Variants in TLL2 observed in about 807,000 individuals in gnomAD.
The protein encoded by TLL2 is tolloid like 2.
In TLL2, 106 loss-of-function variants were observed where a neutral mutation model predicts 123.0. The ratio of observed to expected loss-of-function variants is 0.86; its 90% CI spans 0.74 to 1.01. The LOEUF (loss-of-function observed/expected upper bound fraction) is 1.01, where lower values mean the gene tolerates loss of function less well. Among genes scored for constraint, TLL2 ranks in the 50% least tolerant of loss-of-function variants. The pLI is 0.00. For synonymous variants in TLL2, 494 were observed against 516.8 expected (o/e 0.96, Z 0.60); for missense variants, 1,332 against 1,336.7 (o/e 1.00, Z 0.06).
At chr10:96,498,554 T>C (rs1333999010) in intron 1 of TLL2, among the ~76,000 whole-genome samples, 1 of 152,198 alleles carries the variant, frequency 6.6e-6, no homozygotes, top group Non-Finnish European at 1.5e-5. Context: ...TTCTCTCCCT[T>C]CTTCCATTTT....
In TLL2 at chr10:96,476,873, C is replaced by CACACACACAG. The variant is rs1554939724; in HGVS notation, c.286+3475_286+3476insCTGTGTGTGT. Among the ~76,000 whole-genome samples the CACACACACAG allele has an allele frequency of 4.8e-3, 670 of 138,768 alleles. 6 individuals are homozygous for CACACACACAG. The highest frequency in any genetic ancestry group is 0.018 in the African/African-American group (633 of 35,836). 91.0% of individuals were successfully genotyped at this position (138,768 alleles called of 152,430 possible). A position where few individuals can be genotyped will look rare whatever the true frequency, so the allele number is the denominator to read the frequency against. ...CTTTTATGTTACACACACACACACA[C>CACACACACAG]ACACACACACACACACACACACACG... On this transcript the variant is annotated intron_variant, in intron 2 of 20. Coordinates refer to ENST00000357947, the MANE Select transcript of TLL2 (RefSeq NM_012465.4).
At chr10:96,393,222 G>C (rs1280959574) in intron 13 of TLL2, among the ~76,000 whole-genome samples, 3 of 152,340 alleles carry the variant, frequency 2.0e-5, no homozygotes, top group Non-Finnish European at 4.4e-5. Flanking sequence ...TAATAAGTGT[G>C]CATTGTTTTA....
chr10:96,405,224 C>T lies in TLL2; in HGVS notation c.1267+8G>A. The T allele has an allele frequency of 6.2e-7, 1 of 1,613,668 alleles. No homozygotes were observed. The highest frequency in any genetic ancestry group is 8.5e-7 in the Non-Finnish European group (1 of 1,179,596). On this transcript the variant is annotated splice_region_variant and intron_variant, in intron 10 of 20. Transcript: ENST00000357947. ...CTCCTCTCTTAACGGTGTCTAAAGT[C>T]AACTTACCCAAAAGGGGGGCTTTTC...
In TLL2 at chr10:96,505,369, G is replaced by A. The variant is rs777793177; in HGVS notation, c.175+8142C>T. Among the ~76,000 whole-genome samples, 35 of 152,314 alleles carry A rather than the reference G, an allele frequency of 2.3e-4. 1 individual carries two copies. The highest frequency in any genetic ancestry group is 2.6e-4 in the Admixed American group (4 of 15,308). The stretch of plus-strand genomic sequence containing the variant: ...CAATTCCAGATGAGGTTTAGGTGGG[G>A]ACACAAAGCCAGATCACTTTGGTTG... On this transcript the variant is annotated intron_variant, in intron 1 of 20. Coordinates refer to ENST00000357947, the MANE Select transcript of TLL2 (RefSeq NM_012465.4).
At position 96,384,839 on chromosome 10, in the gene TLL2, C is replaced by G. The variant is rs1162821180; in HGVS notation, c.2014-72G>C. 3.5e-6 allele frequency: 5 copies of G among 1,420,574 alleles called. No individual in the cohort carries two copies. In the African/African-American group the frequency reaches 5.8e-5, roughly 16 times the overall value. 88.0% of individuals were successfully genotyped at this position (1,420,574 alleles called of 1,614,324 possible). A position where few individuals can be genotyped will look rare whatever the true frequency, so the allele number is the denominator to read the frequency against. ...CCCAGACCCCCAGCACACTGCTGCA[C>G]CTGCTTCCTGAGCGCCTCACCCTAC... is the stretch of plus-strand genomic sequence containing the variant. On this transcript the variant is annotated intron_variant, in intron 15 of 20. Transcript: ENST00000357947.
intron 10 of TLL2, among the ~76,000 whole-genome samples, chr10:96,402,932 T>C (rs963933232): frequency 4.6e-5 from 7 of 152,142 alleles, no homozygotes; most frequent in Non-Finnish European, 7.4e-5. Flanking sequence ...ATCTCCATCT[T>C]GGCCAACCAC....
intron 2 of TLL2, among the ~76,000 whole-genome samples, chr10:96,466,460 G>C (rs940181291): frequency 6.6e-6 from 1 of 152,188 alleles, no homozygotes; most frequent in Non-Finnish European, 1.5e-5. Flanking sequence ...TGGGTACCAG[G>C]ATGGGGAGCC....
intron 2 of TLL2, among the ~76,000 whole-genome samples, chr10:96,454,237 T>G (rs1047557556): frequency 1.3e-5 from 2 of 152,186 alleles, no homozygotes; most frequent in Admixed American, 6.5e-5. Context: ...GACCTGCCAG[T>G]GCTTTCTCTC....
intron 1 of TLL2, among the ~76,000 whole-genome samples, chr10:96,486,513 C>T (rs929671993): frequency 6.6e-6 from 1 of 152,224 alleles, no homozygotes; most frequent in African/African-American, 2.4e-5. Context: ...GGCTCCTCAT[C>T]GAAGAAGGCT....
chr10:96,395,945 G>A lies in TLL2; in HGVS notation c.1460C>T (p.Ser487Phe). Residue 487 changes from serine (S) to phenylalanine (F), a missense_variant, in exon 12 of 21, where the codon TCC becomes TTC. Coordinates refer to ENST00000357947, the MANE Select transcript of TLL2 (RefSeq NM_012465.4). ...CGTAATCCTCCAGACACATTCCTTG[G>A]AAGGTCTGTAGTCATCCGGATAGTT... ...SPNYPDDYRP[S>F]KECVWRITVS... 1 of 1,614,206 alleles carries A rather than the reference G, an allele frequency of 6.2e-7. No individual in the cohort carries two copies.
chr10:96,465,745 G>A (rs1847123779), intron 2 of TLL2, among the ~76,000 whole-genome samples: 1 of 152,186 alleles, frequency 6.6e-6, no homozygotes, highest in African/African-American at 2.4e-5. Flanking sequence ...GGCAGGCAGG[G>A]AGCACTGAAG....
At chr10:96,509,151 G>A (rs985175430) in intron 1 of TLL2, among the ~76,000 whole-genome samples, 11 of 152,282 alleles carry the variant, frequency 7.2e-5, no homozygotes, top group East Asian at 3.9e-4. Context: ...ACACATGAGC[G>A]AATGAGCCTT....
rs559879151 is a variant in TLL2, at chr10:96,394,543, A to C, written c.1726+644T>G. On this transcript the variant is annotated intron_variant, in intron 13 of 20. Transcript: ENST00000357947. ...CAGGGCAACACGGAAATTTGTTCCC[A>C]GAGTGCCACCCCTTATTCTCCTCCC... Among the ~76,000 whole-genome samples, 445 of 152,320 alleles carry C rather than the reference A, an allele frequency of 2.9e-3. 9 individuals are homozygous for C. Among genetic ancestry groups the C allele is most frequent in the East Asian group, 7.9e-3 (41 of 5,190 alleles).
At chr10:96,458,543 C>A (rs922827380) in intron 2 of TLL2, among the ~76,000 whole-genome samples, 2 of 125,042 alleles carry the variant, frequency 1.6e-5, no homozygotes, top group Non-Finnish European at 3.2e-5. Flanking sequence ...GCCGAGATTG[C>A]GCCATTGCAC....
intron 4 of TLL2, among the ~76,000 whole-genome samples, chr10:96,430,249 G>A (rs1397988426): frequency 6.6e-6 from 1 of 152,174 alleles, no homozygotes; most frequent in Admixed American, 6.5e-5. Flanking sequence ...GAGTTCATGA[G>A]AGATTTGGTT....
At chr10:96,428,563 G>C (rs1846701440) in intron 5 of TLL2, 68 bp downstream of exon 5, 1 of 1,006,484 alleles carries the variant, frequency 9.9e-7, no homozygotes, top group African/African-American at 1.6e-5. Flanking sequence ...TAGGTTTACA[G>C]AGAAAATTCA....
At chr10:96,410,526 C>A in intron 8 of TLL2, 52 bp from the exon 9 acceptor site, 1 of 1,448,596 alleles carries the variant, frequency 6.9e-7, no homozygotes, top group Non-Finnish European at 9.7e-7. Context: ...TCTCCCCGCC[C>A]AAGCAGCTCC....
chr10:96,480,150 C>T (rs185842438), intron 2 of TLL2, among the ~76,000 whole-genome samples, 199 bp downstream of exon 2: 2 of 152,312 alleles, frequency 1.3e-5, no homozygotes, highest in East Asian at 3.9e-4. Flanking sequence ...TGGAGATTTT[C>T]TTAGATGAAT....
At chr10:96,502,598 AC>A (rs1847545496) in intron 1 of TLL2, among the ~76,000 whole-genome samples, 1 of 152,128 alleles carries the variant, frequency 6.6e-6, no homozygotes, top group Non-Finnish European at 1.5e-5. Context: ...GGACTCTGGT[AC>A]CAGTGTGGTA....
Sources: allele counts gnomAD v4.1 joint callset (sites outside exome capture counted in the v4.1 genomes callset), GRCh38; gene constraint gnomAD v4.1.1; transcripts MANE v1.5; gene names NCBI Gene and HGNC (gene_info 2026-07-23, HGNC 2026-07-21).